LY75: variants seen among roughly 807,000 people sequenced by gnomAD.
LY75 encodes the protein lymphocyte antigen 75.
Under a neutral mutation model 231.7 loss-of-function variants are expected in LY75, and 185 were observed. That is an observed-to-expected ratio of 0.80 (90% CI 0.71 to 0.90). The LOEUF (loss-of-function observed/expected upper bound fraction) is 0.90, where lower values mean the gene tolerates loss of function less well. Ranked by LOEUF, LY75 falls within the 40% of genes least tolerant of loss-of-function variation. The pLI, the probability that LY75 is intolerant of heterozygous loss-of-function variation, is 0.00. For missense variants in LY75, 1,947 were observed against 2,050.2 expected (o/e 0.95, Z 0.97); for synonymous variants, 668 against 689.0 (o/e 0.97, Z 0.48).
In LY75 at chr2:159,840,874, G is replaced by T; in HGVS notation, c.3362C>A (p.Thr1121Asn). ...LNNLYKIIPK[T>N]LTWHSAKREC... ...CCTTTTAGCACTGTGCCAAGTCAGA[G>T]TCTTTGGGATTATTTTGTACAGATT... Residue 1121 changes from threonine to asparagine, a missense_variant, in exon 25 of 35, where the codon ACT becomes AAT. Physicochemically the swap from Thr to Asn is moderately conservative, Grantham distance 65 (BLOSUM62 0). Transcript: ENST00000263636. 1.9e-6 allele frequency: 3 copies of T among 1,614,078 alleles called. No individual in the cohort carries two copies. The highest frequency in any genetic ancestry group is 2.5e-6 in the Non-Finnish European group (3 of 1,179,974).
Position 159,819,914 on chromosome 2 carries a change from G to T in LY75, c.3965C>A (p.Ser1322Tyr). 3 of 1,569,892 alleles carry T rather than the reference G, an allele frequency of 1.9e-6. 1 individual carries two copies. Among genetic ancestry groups the T allele is most frequent in the African/African-American group, 1.5e-5 (1 of 65,982 alleles). The stretch of plus-strand genomic sequence containing the variant: ...TGGGGTCTTATCAAACCACATAAGA[G>T]ACTTATCTAGAGAAGAAACATTTTT... ...VMLGITYRNK[S>Y]LMWFDKTPLS... is the part of the protein sequence containing the mutation. Residue 1322 changes from serine to tyrosine, a missense_variant, in exon 29 of 35, where the codon TCT becomes TAT. Transcript: ENST00000263636.
Position 159,817,015 on chromosome 2 carries a change from A to T in LY75, c.4171T>A (p.Tyr1391Asn). Reference protein sequence around the residue: ...KIEMVDYKEEYNTTLPQFMPY... With the variant: ...KIEMVDYKEENNTTLPQFMPY... ...ATAAACTGTGGCAGTGTAGTATTAT[A>T]TTCTTCTTTGTAGTCAACTATAATA... is the stretch of plus-strand genomic sequence containing the variant. Residue 1391 changes from tyrosine to asparagine, a missense_variant, in exon 30 of 35, where the codon TAT (tyrosine) becomes AAT (asparagine). Tyr to Asn is a moderately radical substitution (Grantham distance 143). Transcript: ENST00000263636. 1.2e-6 allele frequency: 2 copies of T among 1,610,860 alleles called. No individual in the cohort carries two copies. The highest frequency in any genetic ancestry group is 2.2e-5 in the East Asian group (1 of 44,834).
At chr2:159,862,952 C>T (rs902877794) in intron 14 of LY75, among the ~76,000 whole-genome samples, 5 of 151,834 alleles carry the variant, frequency 3.3e-5, no homozygotes, top group Admixed American at 2.0e-4. Flanking sequence ...TCTCCCCAGT[C>T]CCCCACCTCA....
At chr2:159,897,288 C>T (rs566230830) in intron 2 of LY75, among the ~76,000 whole-genome samples, 75 of 152,166 alleles carry the variant, frequency 4.9e-4, no homozygotes, top group Admixed American at 1.3e-3. Context: ...AAGTTAAATC[C>T]AATTAAAAGG....
chr2:159,862,259 T>C (rs558579235), intron 14 of LY75, among the ~76,000 whole-genome samples: 1 of 145,576 alleles, frequency 6.9e-6, no homozygotes, highest in East Asian at 2.0e-4. Flanking sequence ...ACGACTGCAC[T>C]CTAGCCTGGG....
At position 159,858,366 on chromosome 2, in the gene LY75, T is replaced by G; in HGVS notation, c.2379A>C (p.Pro793=). The G allele has an allele frequency of 6.2e-7, 1 of 1,612,920 alleles. No individual in the cohort carries two copies. ...DTKLEWVCQI[P]KGRTPKTPDW... ...AAAGGAATAACTACCACTTACCTTT[T>G]GGAATTTGGCACACCCATTCAAGTT... Residue 793 remains proline, a synonymous_variant, in exon 16 of 35, where the codon CCA becomes CCC. Transcript: ENST00000263636.
chr2:159,857,347 C>A (rs1404577474), intron 16 of LY75, among the ~76,000 whole-genome samples: 1 of 152,154 alleles, frequency 6.6e-6, no homozygotes, highest in Non-Finnish European at 1.5e-5. Context: ...GGAGGATATA[C>A]CTTTAGTTTC....
chr2:159,840,873 A>G lies in LY75; in HGVS notation c.3363T>C (p.Thr1121=). ...LNNLYKIIPK[T]LTWHSAKREC... The stretch of plus-strand genomic sequence containing the variant: ...CCCTTTTAGCACTGTGCCAAGTCAG[A>G]GTCTTTGGGATTATTTTGTACAGAT... The change falls in exon 25 of 35, where the codon ACT becomes ACC. Residue 1121 remains threonine (T), a synonymous_variant. Coordinates refer to ENST00000263636, the MANE Select transcript of LY75 (RefSeq NM_002349.4). 2 of 1,614,060 alleles carry G rather than the reference A, an allele frequency of 1.2e-6. No individual in the cohort carries two copies. The highest frequency in any genetic ancestry group is 1.7e-6 in the Non-Finnish European group (2 of 1,179,982).
At position 159,849,068 on chromosome 2, in the gene LY75, G is replaced by A. The variant is rs140007077; in HGVS notation, c.3150+912C>T. 1.5e-3 allele frequency among the ~76,000 whole-genome samples: 234 copies of A among 152,006 alleles called. No individual in the cohort carries two copies. The Middle Eastern group carries it at 0.044, about 29-fold the overall frequency. On this transcript the variant is annotated intron_variant, in intron 23 of 34. Transcript: ENST00000263636. ...TAGGGTTGACATTTTTCATTGCTGC[G>A]TTTACTCTAACTTCCACATCTTCTA...
intron 34 of LY75, among the ~76,000 whole-genome samples, chr2:159,805,630 A>T (rs1312078354): frequency 6.6e-6 from 1 of 152,200 alleles, no homozygotes; most frequent in African/African-American, 2.4e-5. Context: ...ATAAAGTGTT[A>T]TTTGCTTCAA....
chr2:159,858,462 T>G lies in LY75; in HGVS notation c.2283A>C (p.Pro761=). ...CATAGAAATGCCAGCCTCTTCGCCA[T>G]GGCCTATGAAATACCTATAAGAGGA... The part of the protein sequence containing the change: ...DCAAVKVFHR[P]WRRGWHFYDD... Residue 761 remains proline, a synonymous_variant, in exon 16 of 35, where the codon CCA becomes CCC. Transcript: ENST00000263636. 1 of 1,612,490 alleles carries G rather than the reference T, an allele frequency of 6.2e-7. No homozygotes were observed. Among genetic ancestry groups the G allele is most frequent in the Non-Finnish European group, 8.5e-7 (1 of 1,179,502 alleles).
At chr2:159,863,131 G>A (rs933087500) in intron 14 of LY75, among the ~76,000 whole-genome samples, 1 of 151,330 alleles carries the variant, frequency 6.6e-6, no homozygotes, top group Non-Finnish European at 1.5e-5. Flanking sequence ...TGTCACAAAC[G>A]GCAGGATTTC....
At position 159,890,323 on chromosome 2, in the gene LY75, T is replaced by C. The variant is rs760845186; in HGVS notation, c.692A>G (p.Gln231Arg). The change falls in exon 4 of 35, where the codon CAA becomes CGA. Residue 231 changes from glutamine (Q) to arginine (R), a missense_variant. Physicochemically the swap from Gln to Arg is conservative, Grantham distance 43. Transcript: ENST00000263636. ...EKNEQFGSCY[Q>R]FNTQTALSWK... ...AGAAAGAGCCGTCTGAGTATTAAAT[T>C]GGTAGCAACTTCCAAACTGCTCGTT... The C allele has an allele frequency of 5.0e-6, 8 of 1,613,504 alleles. No individual in the cohort carries two copies. Among genetic ancestry groups the C allele is most frequent in the South Asian group, 4.4e-5 (4 of 91,070 alleles).
chr2:159,866,612 T>C (rs1417814894), intron 13 of LY75, among the ~76,000 whole-genome samples: 3 of 152,178 alleles, frequency 2.0e-5, no homozygotes, highest in Non-Finnish European at 4.4e-5. Context: ...TGTATCATAC[T>C]GCCCGAGTGC....
Position 159,804,971 on chromosome 2 carries a change from C to T in LY75, c.*73G>A. Reference sequence around the variant, plus strand: ...GTTCTACTTTGGAGCAGAGTAAATACTGACACTGGGACATTTTAAGTGACT... The same window carrying T: ...GTTCTACTTTGGAGCAGAGTAAATATTGACACTGGGACATTTTAAGTGACT... On this transcript the variant is annotated 3_prime_UTR_variant, in exon 35 of 35. Coordinates refer to ENST00000263636, the MANE Select transcript of LY75 (RefSeq NM_002349.4). The T allele has an allele frequency of 8.2e-7, 1 of 1,215,142 alleles. No homozygotes were observed. Among genetic ancestry groups the T allele is most frequent in the Non-Finnish European group, 1.2e-6 (1 of 845,038 alleles). The allele number at this position is 1,215,142 out of a possible 1,614,324, so 75.3% of individuals were successfully genotyped here.
intron 28 of LY75, among the ~76,000 whole-genome samples, chr2:159,825,479 C>T (rs763265851): frequency 6.6e-6 from 1 of 152,196 alleles, no homozygotes; most frequent in East Asian, 1.9e-4. Flanking sequence ...GCCTACCAAC[C>T]GAAAAAAGTC....
At chr2:159,870,038 C>T (rs150722163) in intron 13 of LY75, among the ~76,000 whole-genome samples, 1,755 of 152,204 alleles carry the variant, frequency 0.012, 19 homozygotes, top group Admixed American at 0.027. Flanking sequence ...TGAGATTCTA[C>T]GATAGATGCT....
chr2:159,810,209 T>C (rs1164238160), intron 32 of LY75, among the ~76,000 whole-genome samples: 1 of 151,608 alleles, frequency 6.6e-6, no homozygotes, highest in Non-Finnish European at 1.5e-5. Flanking sequence ...AATTTTTGTA[T>C]TTTTAGTAGA....
intron 28 of LY75, among the ~76,000 whole-genome samples, chr2:159,829,520 A>G (rs1683582914): frequency 6.6e-6 from 1 of 152,238 alleles, no homozygotes; most frequent in Non-Finnish European, 1.5e-5. Flanking sequence ...GGTGCCAAAT[A>G]CAATTAAATA....
Sources: gnomAD v4.1 joint callset for allele counts (sites outside exome capture counted in the v4.1 genomes callset) on GRCh38, gnomAD v4.1.1 for gene constraint, MANE v1.5 for transcripts, NCBI Gene and HGNC (gene_info 2026-07-23, HGNC 2026-07-21) for gene names.